Variants in TENM1 observed in about 807,000 individuals in gnomAD.
TENM1 encodes teneurin transmembrane protein 1, also known as teneurin-1.
In TENM1, 35 loss-of-function variants were observed where a neutral mutation model predicts 174.8. The observed-to-expected ratio is 0.20, with a 90% confidence interval of 0.15 to 0.27. TENM1 has a LOEUF of 0.27. TENM1 is among the 10% of genes least tolerant of loss of function. TENM1 has a pLI of 1.00. For synonymous variants in TENM1, 781 were observed against 798.7 expected (o/e 0.98, Z 0.37); for missense variants, 1,633 against 2,130.1 (o/e 0.77, Z 4.59).
the TENM1 span, among the ~76,000 whole-genome samples, chrX:125,052,111 C>A: frequency 2.7e-5 from 3 of 111,854 alleles, no homozygotes; most frequent in Non-Finnish European, 5.6e-5. Flanking sequence ...TCATCATTGG[C>A]CATCAGAGAA....
intron 1 of TENM1, among the ~76,000 whole-genome samples, chrX:124,910,936 C>A (rs900180482): frequency 1.9e-5 from 2 of 107,151 alleles, no homozygotes; most frequent in African/African-American, 6.9e-5. Flanking sequence ...TTTTTTGAGA[C>A]AGGGTCTTGC....
intron 1 of TENM1, among the ~76,000 whole-genome samples, chrX:124,950,830 T>C (rs1389768584): frequency 8.9e-6 from 1 of 111,895 alleles, no homozygotes; most frequent in Admixed American, 9.5e-5. Context: ...ACTGCATAAT[T>C]GTTTTCCTTT....
At chrX:124,574,423 T>C (rs980615208) in intron 11 of TENM1, among the ~76,000 whole-genome samples, 1 of 111,575 alleles carries the variant, frequency 9.0e-6, no homozygotes, top group African/African-American at 3.3e-5. Context: ...TTCTAAAGTA[T>C]ACATTTATGT....
chrX:124,752,864 G>C (rs1184916051), intron 3 of TENM1, among the ~76,000 whole-genome samples: 8 of 110,030 alleles, frequency 7.3e-5, no homozygotes, highest in African/African-American at 2.6e-4. Context: ...CTCTGTTTTG[G>C]TACCAGTACC....
chrX:125,063,509 C>T, the TENM1 span, among the ~76,000 whole-genome samples: 2 of 111,780 alleles, frequency 1.8e-5, no homozygotes, highest in Non-Finnish European at 3.8e-5. Flanking sequence ...AGCATATGAA[C>T]AGACACTTCT....
the TENM1 span, among the ~76,000 whole-genome samples, chrX:125,061,851 C>T: frequency 9.0e-6 from 1 of 111,402 alleles, no homozygotes; most frequent in Non-Finnish European, 1.9e-5. Flanking sequence ...TTGCAGTGAG[C>T]CGAGATCACA....
chrX:125,141,329 G>C, the TENM1 span, among the ~76,000 whole-genome samples: 1 of 111,870 alleles, frequency 8.9e-6, no homozygotes, highest in East Asian at 2.8e-4. Flanking sequence ...AGAGGTGTGA[G>C]AGGGAGTAAG....
At chrX:124,929,436 A>G (rs1194104108) in intron 1 of TENM1, among the ~76,000 whole-genome samples, 1 of 112,182 alleles carries the variant, frequency 8.9e-6, no homozygotes, top group Non-Finnish European at 1.9e-5. Context: ...GGTGTTGCCT[A>G]GTAGCCTGGG....
At chrX:124,758,153 T>C (rs1295699524) in intron 3 of TENM1, among the ~76,000 whole-genome samples, 2 of 111,460 alleles carry the variant, frequency 1.8e-5, no homozygotes, top group Non-Finnish European at 3.8e-5. Context: ...TACAATTCAA[T>C]AGCAGAAAAA....
intron 1 of TENM1, among the ~76,000 whole-genome samples, chrX:124,903,443 A>C (rs775664560): frequency 8.9e-6 from 1 of 112,316 alleles, no homozygotes; most frequent in African/African-American, 3.2e-5. Context: ...AAAGGAAAGA[A>C]GACGAGGTAG....
At chrX:125,089,533 G>A in the TENM1 span, among the ~76,000 whole-genome samples, 1 of 112,083 alleles carries the variant, frequency 8.9e-6, no homozygotes. Flanking sequence ...TGTTGAATGT[G>A]TGGATAAATG....
chrX:124,792,751 T>C (rs1481355961), intron 3 of TENM1, among the ~76,000 whole-genome samples: 2 of 112,409 alleles, frequency 1.8e-5, no homozygotes, highest in Non-Finnish European at 3.8e-5. Context: ...TAAAAATCAG[T>C]TGATTACAGC....
At chrX:124,519,972 AC>A (rs535124076) in intron 18 of TENM1, among the ~76,000 whole-genome samples, 3 of 111,901 alleles carry the variant, frequency 2.7e-5, no homozygotes, top group African/African-American at 9.7e-5. Context: ...GGCCCAAAGG[AC>A]CTCTTAAGGT....
At chrX:124,526,777 T>C (rs1334548678) in intron 16 of TENM1, among the ~76,000 whole-genome samples, 1 of 112,299 alleles carries the variant, frequency 8.9e-6, no homozygotes, top group Non-Finnish European at 1.9e-5. Flanking sequence ...CTCTGCCTCA[T>C]GGTATCCATA....
At chrX:124,965,770 G>A (rs919765593), upstream of TENM1, among the ~76,000 whole-genome samples, 5 of 110,845 alleles carry the variant, frequency 4.5e-5, no homozygotes, top group Non-Finnish European at 9.4e-5. Flanking sequence ...TTCATATACT[G>A]TCTACACACC....
the TENM1 span, among the ~76,000 whole-genome samples, chrX:125,137,005 G>T: frequency 9.0e-6 from 1 of 111,127 alleles, no homozygotes; most frequent in Admixed American, 9.6e-5. Context: ...GTGGGCATTG[G>T]AGTCAGACAG....
At chrX:124,562,319 T>C (rs10047024) in intron 13 of TENM1, among the ~76,000 whole-genome samples, 2,313 of 111,818 alleles carry the variant, frequency 0.021, 68 homozygotes, top group African/African-American at 0.072. Context: ...ATTAAGTATT[T>C]GTTCATATGG....
the TENM1 span, among the ~76,000 whole-genome samples, chrX:125,159,620 G>C: frequency 8.9e-6 from 1 of 111,986 alleles, no homozygotes; most frequent in Non-Finnish European, 1.9e-5. Context: ...TGAAAATTTT[G>C]ATAATTCAAA....
intron 1 of TENM1, among the ~76,000 whole-genome samples, chrX:124,911,289 C>G (rs771763640): frequency 1.7e-4 from 19 of 111,506 alleles, no homozygotes; most frequent in Non-Finnish European, 3.2e-4. Context: ...TAAGCACTCA[C>G]GGAGCACCTA....
Sources: gnomAD v4.1 joint callset for allele counts (sites outside exome capture counted in the v4.1 genomes callset) on GRCh38, gnomAD v4.1.1 for gene constraint, MANE v1.5 for transcripts, NCBI Gene and HGNC (gene_info 2026-07-23, HGNC 2026-07-21) for gene names.